Variants in PDZD2 observed in about 807,000 individuals in gnomAD.
PDZD2 encodes the protein PDZ domain containing 2, also known as PDZ domain-containing protein 2.
PDZD2 carries 90 observed loss-of-function variants against 220.7 expected under a neutral mutation model. The observed-to-expected ratio is 0.41, with a 90% CI of 0.34 to 0.49. PDZD2 has a LOEUF of 0.49. Among genes scored for constraint, PDZD2 ranks in the 20% least tolerant of loss-of-function variants. The pLI is 0.28. For missense variants in PDZD2, 3,174 were observed against 3,608.5 expected, an observed-to-expected ratio of 0.88 and a Z score of 3.08; for synonymous variants, 1,375 against 1,450.5, an observed-to-expected ratio of 0.95 and a Z score of 1.18.
At chr5:31,691,237 G>A (rs980061451) in intron 1 of PDZD2, among the ~76,000 whole-genome samples, 1 of 150,894 alleles carries the variant, frequency 6.6e-6, no homozygotes, top group African/African-American at 2.4e-5. Flanking sequence ...CTCTTAAGGC[G>A]GCGCGTCTGG....
intron 3 of PDZD2, among the ~76,000 whole-genome samples, chr5:31,985,115 G>T (rs547600903): frequency 8.8e-4 from 78 of 88,872 alleles, no homozygotes; most frequent in African/African-American, 3.7e-3. Flanking sequence ...AAGGATTAAG[G>T]ACAAAAAAAA....
At chr5:32,086,259 A>G (rs1581456789) in intron 19 of PDZD2, among the ~76,000 whole-genome samples, 1 of 152,298 alleles carries the variant, frequency 6.6e-6, no homozygotes, top group African/African-American at 2.4e-5. Flanking sequence ...GTGTGAGCCA[A>G]ACCCACACAC....
Position 32,048,322 on chromosome 5 carries a change from G to T in PDZD2, c.1520-217G>T, listed in dbSNP as rs2547937. Among the ~76,000 whole-genome samples the T allele has an allele frequency of 0.49, 74,867 of 151,874 alleles. 18,675 individuals carry two copies. Among genetic ancestry groups the T allele is most frequent in the South Asian group, 0.55 (2,662 of 4,798 alleles). ...AATCTGGTCATTTCAAAAACTGGCAGTTTTTTCGTAGCCTGACACTAATGG... is the reference window on the plus strand; with the variant it reads ...AATCTGGTCATTTCAAAAACTGGCATTTTTTTCGTAGCCTGACACTAATGG... On this transcript the variant is annotated intron_variant, in intron 7 of 24. Coordinates refer to ENST00000438447, the MANE Select transcript of PDZD2 (RefSeq NM_178140.4).
At chr5:32,092,274 GAAA>G (rs61474035) in intron 20 of PDZD2, among the ~76,000 whole-genome samples, 1 of 86,248 alleles carries the variant, frequency 1.2e-5, no homozygotes. Context: ...ACTCAATCTC[GAAA>G]AAAAAAAAAA....
At position 32,074,434 on chromosome 5, in the gene PDZD2, A is replaced by G; in HGVS notation, c.3328A>G (p.Lys1110Glu). 1 of 1,614,180 alleles carries G rather than the reference A, an allele frequency of 6.2e-7. No homozygotes were observed. The change falls in exon 18 of 25, where the codon AAA (lysine) becomes GAA (glutamate). Residue 1110 changes from lysine to glutamate, a missense_variant. Lys to Glu is a moderately conservative substitution (Grantham distance 56). Coordinates refer to ENST00000438447, the MANE Select transcript of PDZD2 (RefSeq NM_178140.4). ...NTGSPSSPQQ[K>E]SEGLGSRHRP... ...TGGGAGCCCCAGTTCCCCCCAGCAGAAAAGTGAAGGCCTGGGCTCCAGGCA... is the reference window on the plus strand; with the variant it reads ...TGGGAGCCCCAGTTCCCCCCAGCAGGAAAGTGAAGGCCTGGGCTCCAGGCA...
chr5:31,816,227 G>A (rs905167331), intron 2 of PDZD2, among the ~76,000 whole-genome samples: 12 of 147,502 alleles, frequency 8.1e-5, no homozygotes, highest in Admixed American at 2.7e-4. Context: ...GGCGGAGCTT[G>A]CAGTGAGCCG....
chr5:31,844,231 G>A (rs1204672885), intron 2 of PDZD2, among the ~76,000 whole-genome samples: 1 of 152,098 alleles, frequency 6.6e-6, no homozygotes, highest in Non-Finnish European at 1.5e-5. Flanking sequence ...AAGAGAAGAA[G>A]GGTCAAAGTG....
intron 1 of PDZD2, among the ~76,000 whole-genome samples, chr5:31,714,458 G>A (rs1009664575): frequency 6.6e-6 from 1 of 152,212 alleles, no homozygotes; most frequent in African/African-American, 2.4e-5. Context: ...GGGAAATAGT[G>A]TCATTGAGGA....
At position 31,771,393 on chromosome 5, in the gene PDZD2, T is replaced by C. The variant is rs555763269; in HGVS notation, c.-360-27496T>C. 9.2e-4 allele frequency among the ~76,000 whole-genome samples: 140 copies of C among 152,310 alleles called. No homozygotes were observed. The South Asian group carries it at 0.015, about 17-fold the overall frequency. ...TACTATGCATGGGGCACTGGGTTTA[T>C]TAAAGTCTATTACATCCTGGGCTGA... On this transcript the variant is annotated intron_variant, in intron 1 of 24. Coordinates refer to ENST00000438447, the MANE Select transcript of PDZD2 (RefSeq NM_178140.4).
At chr5:31,657,634 T>TAAGGG in intron 1 of PDZD2, among the ~76,000 whole-genome samples, 1 of 152,164 alleles carries the variant, frequency 6.6e-6, no homozygotes, top group Non-Finnish European at 1.5e-5. Context: ...CTGCATTTTT[T>TAAGGG]ATGGGATGGT....
At chr5:32,040,385 C>T (rs1235584963) in intron 7 of PDZD2, among the ~76,000 whole-genome samples, 2 of 147,016 alleles carry the variant, frequency 1.4e-5, no homozygotes, top group Non-Finnish European at 3.0e-5. Flanking sequence ...GTGAGGAGTG[C>T]GTCTGCCCGG....
chr5:31,709,324 C>A (rs188891440), intron 1 of PDZD2, among the ~76,000 whole-genome samples: 1 of 151,678 alleles, frequency 6.6e-6, no homozygotes, highest in Non-Finnish European at 1.5e-5. Context: ...CCCATCTCTA[C>A]AGAAAAGCAA....
intron 6 of PDZD2, among the ~76,000 whole-genome samples, chr5:32,013,908 G>T (rs1242669528): frequency 1.3e-5 from 2 of 152,162 alleles, no homozygotes; most frequent in African/African-American, 4.8e-5. Flanking sequence ...AGTTCTCGTT[G>T]CAGCCCAGGG....
intron 2 of PDZD2, among the ~76,000 whole-genome samples, chr5:31,822,028 C>T (rs551760725): frequency 8.5e-5 from 13 of 152,216 alleles, no homozygotes; most frequent in African/African-American, 3.1e-4. Flanking sequence ...ATGAACTCAT[C>T]GTTTTTTATG....
In PDZD2 at chr5:31,803,084, TTA is replaced by T. The variant is rs1249921046; in HGVS notation, c.476+3362_476+3363del. ...GAGAGGAGAGCATGGCCCAGAGCCT[TTA>T]TTTTATTTTATTTTATTTTTTTTTT... On this transcript the variant is annotated intron_variant, in intron 2 of 24. Transcript: ENST00000438447. Among the ~76,000 whole-genome samples the T allele has an allele frequency of 3.7e-5, 5 of 136,790 alleles. No individual in the cohort carries two copies. The East Asian group carries it at 1.3e-3, about 35-fold the overall frequency. The allele number at this position is 136,790 out of a possible 152,430, so 89.7% of individuals were successfully genotyped here.
chr5:31,839,940 T>C (rs1757165304), intron 2 of PDZD2, among the ~76,000 whole-genome samples: 1 of 152,192 alleles, frequency 6.6e-6, no homozygotes, highest in African/African-American at 2.4e-5. Context: ...GATTGTTAAG[T>C]TTCCTGTGGC....
chr5:31,921,683 C>T lies in PDZD2; in HGVS notation c.477-61472C>T, dbSNP rs533471921. ...CCCACCTGGGTGACAGAGTGAGACC[C>T]CATCTCAAAAAAAAAATTTTTTTTT... On this transcript the variant is annotated intron_variant, in intron 2 of 24. Coordinates refer to ENST00000438447, the MANE Select transcript of PDZD2 (RefSeq NM_178140.4). 5.9e-5 allele frequency among the ~76,000 whole-genome samples: 9 copies of T among 152,152 alleles called. 1 individual carries two copies. The highest frequency in any genetic ancestry group is 2.2e-4 in the African/African-American group (9 of 41,518).
intron 2 of PDZD2, among the ~76,000 whole-genome samples, chr5:31,929,486 G>A (rs1745064613): frequency 6.6e-6 from 1 of 152,204 alleles, no homozygotes; most frequent in Admixed American, 6.5e-5. Flanking sequence ...AGTGCTAAAT[G>A]TCTCCTGTGG....
rs1187572906 is a variant in PDZD2 at position 31,677,508 on chromosome 5, T to C, written c.-361+38071T>C. On this transcript the variant is annotated intron_variant, in intron 1 of 24. Coordinates refer to ENST00000438447, the MANE Select transcript of PDZD2 (RefSeq NM_178140.4). ...GCGGGCGCCTGTGGTCCCAGCTGCTTGGGAGGCTGAGGCAGGAGAATGGCG... is the reference window on the plus strand; with the variant it reads ...GCGGGCGCCTGTGGTCCCAGCTGCTCGGGAGGCTGAGGCAGGAGAATGGCG... Among the ~76,000 whole-genome samples, 12 of 22,966 alleles carry C rather than the reference T, an allele frequency of 5.2e-4. 6 individuals carry two copies. Among genetic ancestry groups the C allele is most frequent in the African/African-American group, 1.0e-3 (12 of 11,706 alleles). The allele number at this position is 22,966 out of a possible 152,430, so 15.1% of individuals were successfully genotyped here.
Sources: allele counts gnomAD v4.1 joint callset (sites outside exome capture counted in the v4.1 genomes callset), GRCh38; gene constraint gnomAD v4.1.1; transcripts MANE v1.5; gene names NCBI Gene and HGNC (gene_info 2026-07-23, HGNC 2026-07-21).